The following ANKRD6 variants were observed in gnomAD, a reference collection of about 807,000 sequenced individuals.
The protein encoded by ANKRD6 is ankyrin repeat domain 6.
A neutral mutation model predicts 82.3 loss-of-function variants in ANKRD6; 56 were observed. That is an observed-to-expected ratio of 0.68 (90% CI 0.55 to 0.85). ANKRD6 has a LOEUF of 0.85. Among genes scored for constraint, ANKRD6 ranks in the 40% least tolerant of loss-of-function variants. ANKRD6 has a pLI of 0.00. For synonymous variants in ANKRD6, 347 were observed against 352.1 expected (o/e 0.99, Z 0.16); for missense variants, 852 against 907.6 (o/e 0.94, Z 0.79).
intron 1 of ANKRD6, among the ~76,000 whole-genome samples, chr6:89,544,071 C>T (rs1583191342): frequency 6.6e-6 from 1 of 152,172 alleles, no homozygotes. Context: ...TGCACTTATC[C>T]CTTTAGTGAA....
At chr6:89,440,407 A>G (rs1002283164) in intron 1 of ANKRD6, among the ~76,000 whole-genome samples, 1 of 152,224 alleles carries the variant, frequency 6.6e-6, no homozygotes. Context: ...TGCCTTCTCT[A>G]GGCTGTTAAG....
At chr6:89,513,767 A>G (rs1269696834) in intron 1 of ANKRD6, among the ~76,000 whole-genome samples, 39 of 152,242 alleles carry the variant, frequency 2.6e-4, no homozygotes, top group Admixed American at 2.6e-3. Context: ...CATTAATGTT[A>G]GTCTTAGGTG....
intron 1 of ANKRD6, among the ~76,000 whole-genome samples, chr6:89,516,267 C>T (rs1482309694): frequency 1.3e-5 from 2 of 152,124 alleles, no homozygotes; most frequent in African/African-American, 2.4e-5. Flanking sequence ...CCTGATGGAA[C>T]AAAAAGGCAG....
rs887945090 is a variant in ANKRD6 at position 89,437,233 on chromosome 6, T to A, written c.-144+3858T>A. ...CATAAAAGGCCCCTTTATTTGGATGTCTTATCCCATTTCAGTTCTCTGACA... is the reference window on the plus strand; with the variant it reads ...CATAAAAGGCCCCTTTATTTGGATGACTTATCCCATTTCAGTTCTCTGACA... On this transcript the variant is annotated intron_variant, in intron 1 of 15. Transcript: ENST00000339746. Among the ~76,000 whole-genome samples, 29 of 152,124 alleles carry A rather than the reference T, an allele frequency of 1.9e-4. 1 individual carries two copies. The highest frequency in any genetic ancestry group is 5.8e-4 in the African/African-American group (24 of 41,428).
chr6:89,578,046 AGG>A, intron 2 of ANKRD6, among the ~76,000 whole-genome samples: 1 of 152,344 alleles, frequency 6.6e-6, no homozygotes, highest in South Asian at 2.1e-4. Context: ...TTGTTCATAG[AGG>A]GTGAGCCCCC....
At chr6:89,616,933 A>C (rs2128232229) in intron 8 of ANKRD6, 2 of 588,762 alleles carry the variant, frequency 3.4e-6, no homozygotes, top group Non-Finnish European at 3.2e-6. Flanking sequence ...GTCCAGTTAA[A>C]CTGACGAGTG....
At chr6:89,627,374 T>TA (rs1369726532) in intron 13 of ANKRD6, among the ~76,000 whole-genome samples, 8 of 152,218 alleles carry the variant, frequency 5.3e-5, no homozygotes, top group Admixed American at 5.2e-4. Flanking sequence ...TAAGATTTTT[T>TA]AAAAAACGAA....
At chr6:89,463,715 A>T (rs2127775567) in intron 1 of ANKRD6, among the ~76,000 whole-genome samples, 1 of 152,086 alleles carries the variant, frequency 6.6e-6, no homozygotes, top group South Asian at 2.1e-4. Context: ...TGCCCAGCTA[A>T]TTTCTTTGTA....
chr6:89,464,758 C>T (rs748209343), intron 1 of ANKRD6, among the ~76,000 whole-genome samples: 1 of 152,114 alleles, frequency 6.6e-6, no homozygotes, highest in Non-Finnish European at 1.5e-5. Context: ...GCATAGAATT[C>T]TGAGGGGTTA....
In ANKRD6 at chr6:89,455,153, T is replaced by G. The variant is rs78646303; in HGVS notation, c.-144+21778T>G. Among the ~76,000 whole-genome samples the G allele has an allele frequency of 4.2e-3, 435 of 103,762 alleles. 2 individuals carry two copies. Among genetic ancestry groups the G allele is most frequent in the African/African-American group, 0.015 (349 of 23,042 alleles). The allele number at this position is 103,762 out of a possible 152,430, so 68.1% of individuals were successfully genotyped here. On this transcript the variant is annotated intron_variant, in intron 1 of 15. Transcript: ENST00000339746. ...GCCACCACACCCAGTGTGTGTGTGTTTTTTTTTTTTTTTAATCTATGTGTT... is the reference window on the plus strand; with the variant it reads ...GCCACCACACCCAGTGTGTGTGTGTGTTTTTTTTTTTTTAATCTATGTGTT...
intron 2 of ANKRD6, among the ~76,000 whole-genome samples, chr6:89,582,263 C>T (rs968833363): frequency 3.3e-5 from 5 of 152,082 alleles, no homozygotes; most frequent in African/African-American, 1.2e-4. Context: ...ATTAATTGCC[C>T]AAGCTGGTCT....
intron 1 of ANKRD6, among the ~76,000 whole-genome samples, chr6:89,484,464 T>C (rs1014142401): frequency 1.3e-5 from 2 of 152,188 alleles, no homozygotes; most frequent in African/African-American, 4.8e-5. Flanking sequence ...TTAAAAAATC[T>C]TGAAGTAAAA....
At chr6:89,509,136 AC>A (rs1199522471) in intron 1 of ANKRD6, 5 of 152,292 alleles carry the variant, frequency 3.3e-5, no homozygotes. Context: ...TTTGAAGTGC[AC>A]CAGTGACCTG....
At chr6:89,628,016 A>G (rs1229213658) in intron 14 of ANKRD6, among the ~76,000 whole-genome samples, 1 of 152,182 alleles carries the variant, frequency 6.6e-6, no homozygotes, top group Non-Finnish European at 1.5e-5. Context: ...TTCTACCCTC[A>G]GGGAGTTTAC....
At chr6:89,569,417 G>A (rs948498915) in intron 2 of ANKRD6, among the ~76,000 whole-genome samples, 5 of 152,164 alleles carry the variant, frequency 3.3e-5, no homozygotes, top group Non-Finnish European at 5.9e-5. Flanking sequence ...GTTGTAGCAT[G>A]TATCAGTACT....
chr6:89,483,671 A>G (rs554789301), intron 1 of ANKRD6: 1 of 152,192 alleles, frequency 6.6e-6, no homozygotes, highest in Non-Finnish European at 1.5e-5. Flanking sequence ...TCTTTTCTGG[A>G]TATAGACATA....
intron 1 of ANKRD6, among the ~76,000 whole-genome samples, chr6:89,524,050 G>T (rs1782177041): frequency 6.6e-6 from 1 of 152,178 alleles, no homozygotes; most frequent in Non-Finnish European, 1.5e-5. Flanking sequence ...ACTAGCAGGA[G>T]TAGGATGATA....
rs139813510 is a variant in ANKRD6, at chr6:89,591,461, A to G, written c.121-4455A>G. On this transcript the variant is annotated intron_variant, in intron 2 of 15. Transcript: ENST00000339746. ...CCTGTTCCCATTTCTTCCTGTGGCCAGTCCTAGGGGCATGGAAATGGAAAT... is the reference window on the plus strand; with the variant it reads ...CCTGTTCCCATTTCTTCCTGTGGCCGGTCCTAGGGGCATGGAAATGGAAAT... Among the ~76,000 whole-genome samples, 306 of 152,308 alleles carry G rather than the reference A, an allele frequency of 2.0e-3. 2 individuals carry two copies. Among genetic ancestry groups the G allele is most frequent in the African/African-American group, 7.1e-3 (295 of 41,562 alleles).
intron 2 of ANKRD6, among the ~76,000 whole-genome samples, chr6:89,569,509 G>A (rs1402303034): frequency 6.6e-6 from 1 of 152,048 alleles, no homozygotes; most frequent in Non-Finnish European, 1.5e-5. Context: ...GACATTTGTG[G>A]TTGATTCCAG....
Sources: gnomAD v4.1 joint callset for allele counts (sites outside exome capture counted in the v4.1 genomes callset) on GRCh38, gnomAD v4.1.1 for gene constraint, MANE v1.5 for transcripts, NCBI Gene and HGNC (gene_info 2026-07-23, HGNC 2026-07-21) for gene names.